AHDC1: variants seen among roughly 807,000 people sequenced by gnomAD.
The protein encoded by AHDC1 is transcription factor Gibbin.
A neutral mutation model predicts 87.9 loss-of-function variants in AHDC1; 7 were observed. The ratio of observed to expected loss-of-function variants is 0.08; its 90% CI spans 0.05 to 0.15. AHDC1 has a LOEUF of 0.15. Among genes scored for constraint, AHDC1 ranks in the 10% least tolerant of loss-of-function variants. The probability of loss-of-function intolerance (pLI) is 1.00; values close to 1 mark genes in which losing one functional copy is unlikely to be tolerated. For missense variants in AHDC1, 1,841 were observed against 2,253.2 expected, an observed-to-expected ratio of 0.82 and a Z score of 3.70; for synonymous variants, 1,051 against 1,006.8, an observed-to-expected ratio of 1.04 and a Z score of -0.83.
At chr1:27,592,478 C>T (rs2089252550) in intron 3 of AHDC1, among the ~76,000 whole-genome samples, 1 of 152,192 alleles carries the variant, frequency 6.6e-6, no homozygotes, top group African/African-American at 2.4e-5. Context: ...CTGGGGGCCC[C>T]AGAGACCCTG....
At chr1:27,587,368 G>A (rs947116746) in intron 3 of AHDC1, among the ~76,000 whole-genome samples, 2 of 152,130 alleles carry the variant, frequency 1.3e-5, no homozygotes, top group African/African-American at 2.4e-5. Flanking sequence ...CCATAGGCCC[G>A]TTCCACAACT....
At position 27,560,039 on chromosome 1, in the gene AHDC1, T is replaced by C. The variant is rs560666258; in HGVS notation, c.-628-1156A>G. Among the ~76,000 whole-genome samples the C allele has an allele frequency of 1.3e-5, 2 of 152,356 alleles. No individual in the cohort carries two copies. Among genetic ancestry groups the C allele is most frequent in the East Asian group, 3.9e-4 (2 of 5,192 alleles). On this transcript the variant is annotated intron_variant, in intron 3 of 8. Coordinates refer to ENST00000673934, the MANE Select transcript of AHDC1 (RefSeq NM_001371928.1). The surrounding 1 kb of genome is among the most constrained non-coding windows in gnomAD (Gnocchi z 4.1). The stretch of plus-strand genomic sequence containing the variant: ...TACGTCTGTGTGGGTACATGTGGGC[T>C]TAAGCGTGTCCATGTGTGGGATCAC...
chr1:27,534,261 G>GTT lies in AHDC1; in HGVS notation c.*697_*698dup, dbSNP rs1195913812. On this transcript the variant is annotated 3_prime_UTR_variant, in exon 9 of 9. Coordinates refer to ENST00000673934, the MANE Select transcript of AHDC1 (RefSeq NM_001371928.1). The stretch of plus-strand genomic sequence containing the variant: ...GACACAAGGTTGGTTTTTTTTTTTT[G>GTT]TTTTTTTTTTGTTTTTTTTTTGCTT... 3 of 89,648 alleles carry GTT rather than the reference G, an allele frequency of 3.3e-5. No individual in the cohort carries two copies. The highest frequency in any genetic ancestry group is 4.0e-5 in the African/African-American group (1 of 25,016). 5.6% of individuals were successfully genotyped at this position (89,648 alleles called of 1,614,324 possible).
At chr1:27,542,429 A>G (rs1367966084) in intron 8 of AHDC1, among the ~76,000 whole-genome samples, 1 of 152,232 alleles carries the variant, frequency 6.6e-6, no homozygotes, top group Non-Finnish European at 1.5e-5. Flanking sequence ...ATGGTCCTGC[A>G]TGAAGGTACA....
At chr1:27,584,337 T>G (rs1557699619) in intron 3 of AHDC1, among the ~76,000 whole-genome samples, 1 of 152,174 alleles carries the variant, frequency 6.6e-6, no homozygotes, top group Non-Finnish European at 1.5e-5. Context: ...GAGCCCCTGC[T>G]CCAAAGCTAA....
At chr1:27,594,241 G>T (rs1211702403) in intron 3 of AHDC1, among the ~76,000 whole-genome samples, 1 of 152,070 alleles carries the variant, frequency 6.6e-6, no homozygotes, top group East Asian at 1.9e-4. Flanking sequence ...CCTGGATTTG[G>T]GGGTGGGGGG....
intron 3 of AHDC1, among the ~76,000 whole-genome samples, chr1:27,594,736 G>A (rs1305443266): frequency 6.6e-6 from 1 of 152,184 alleles, no homozygotes; most frequent in Non-Finnish European, 1.5e-5. Flanking sequence ...GTGACAGGCT[G>A]AGGCTGTCTA....
chr1:27,551,632 C>T lies in AHDC1; in HGVS notation c.484G>A (p.Asp162Asn), dbSNP rs369860059. 1.2e-6 allele frequency: 2 copies of T among 1,613,542 alleles called. No homozygotes were observed. Among genetic ancestry groups the T allele is most frequent in the Non-Finnish European group, 1.7e-6 (2 of 1,179,686 alleles). The change falls in exon 8 of 9, where the codon GAC becomes AAC. Residue 162 changes from aspartate (D) to asparagine (N), a missense_variant. Physicochemically the swap from Asp to Asn is conservative, Grantham distance 23. Around this residue, in one of 13 missense-constraint regions of AHDC1, gnomAD observed 50 missense variants for 104.3 expected, o/e 0.48. Coordinates refer to ENST00000673934, the MANE Select transcript of AHDC1 (RefSeq NM_001371928.1). ...LSRPPAPPPG[D>N]LQYSFFSSPS... ...GAGGAGAAGAAGCTGTACTGTAGGT[C>T]GCCGGGTGGCGGTGCAGGCGGGCGG...
chr1:27,547,495 G>A lies in AHDC1; in HGVS notation c.4621C>T (p.Pro1541Ser), dbSNP rs1164997538. 2 of 1,606,234 alleles carry A rather than the reference G, an allele frequency of 1.2e-6. No homozygotes were observed. The highest frequency in any genetic ancestry group is 1.7e-5 in the Admixed American group (1 of 59,788). ...PAAAAAGYGC[P>S]LLSDLTLSPV... ...GACAGGGTCAAGTCACTAAGGAGTG[G>A]GCAGCCATAGCCAGCAGCGGCTGCA... Residue 1541 changes from proline (P) to serine (S), a missense_variant, in exon 8 of 9, where the codon CCA becomes TCA. By Grantham distance (74) the Pro-to-Ser change is moderately conservative (BLOSUM62 -1). This residue lies in a region of AHDC1 where 505 missense variants were observed against 626.2 expected (regional missense o/e 0.81). Transcript: ENST00000673934. This position sits in a 1 kb window ranked among gnomAD's most constrained non-coding sequence, Gnocchi z 4.9.
At position 27,551,103 on chromosome 1, in the gene AHDC1, G is replaced by C. The variant is rs1557666928; in HGVS notation, c.1013C>G (p.Pro338Arg). The C allele has an allele frequency of 1.3e-6, 2 of 1,579,836 alleles. No individual in the cohort carries two copies. Among genetic ancestry groups the C allele is most frequent in the Non-Finnish European group, 1.7e-6 (2 of 1,162,604 alleles). Residue 338 changes from proline to arginine, a missense_variant, in exon 8 of 9, where the codon CCC (proline) becomes CGC (arginine). Transcript: ENST00000673934. ...GCGACCTGGGACGTCAAGCAGCTTG[G>C]GCAGGGGGTCGAGTGCCTGGGGGTC... ...LLDPQALDPL[P>R]KLLDVPGRRL...
intron 3 of AHDC1, among the ~76,000 whole-genome samples, chr1:27,601,659 G>A (rs2089530794): frequency 1.3e-5 from 2 of 152,224 alleles, no homozygotes; most frequent in African/African-American, 4.8e-5. Flanking sequence ...GAGATGGCAA[G>A]CAGCATGCAC....
intron 3 of AHDC1, among the ~76,000 whole-genome samples, chr1:27,586,831 G>C (rs1441146595): frequency 6.6e-6 from 1 of 152,176 alleles, no homozygotes; most frequent in East Asian, 1.9e-4. Context: ...TAGGTCGGGG[G>C]GTTGGACACT....
intron 3 of AHDC1, among the ~76,000 whole-genome samples, chr1:27,599,219 T>TC (rs2089463754): frequency 1.3e-5 from 2 of 152,102 alleles, no homozygotes; most frequent in African/African-American, 4.8e-5. Context: ...GCTGGCTCCC[T>TC]CCCTCTCGAG....
At chr1:27,599,679 C>T (rs368018789) in intron 3 of AHDC1, among the ~76,000 whole-genome samples, 8 of 152,292 alleles carry the variant, frequency 5.3e-5, no homozygotes, top group Admixed American at 1.3e-4. Flanking sequence ...TAATGTTTCC[C>T]GCTTTTATAA....
intron 3 of AHDC1, among the ~76,000 whole-genome samples, chr1:27,599,402 C>G (rs760722526): frequency 2.6e-5 from 4 of 152,206 alleles, no homozygotes; most frequent in African/African-American, 4.8e-5. Flanking sequence ...GGCGCCTCCC[C>G]CTCCCCTGGG....
At chr1:27,555,192 G>A (rs1371748289) in intron 5 of AHDC1, among the ~76,000 whole-genome samples, 1 of 152,232 alleles carries the variant, frequency 6.6e-6, no homozygotes, top group Non-Finnish European at 1.5e-5. Context: ...AGATACCCAG[G>A]CCCTAGTCCA....
chr1:27,593,435 A>G lies in AHDC1; in HGVS notation c.-629+9962T>C, dbSNP rs757657882. On this transcript the variant is annotated intron_variant, in intron 3 of 8. Coordinates refer to ENST00000673934, the MANE Select transcript of AHDC1 (RefSeq NM_001371928.1). This position sits in a 1 kb window ranked among gnomAD's most constrained non-coding sequence, Gnocchi z 4.9. ...ACTACCCCCAGGCAGGCTGGGACCC[A>G]GGTCCCTGGTGTCCATGGGCAAAGA... is the stretch of plus-strand genomic sequence containing the variant. 1.3e-4 allele frequency among the ~76,000 whole-genome samples: 20 copies of G among 152,316 alleles called. No individual in the cohort carries two copies. The highest frequency in any genetic ancestry group is 6.2e-4 in the South Asian group (3 of 4,826).
At chr1:27,538,482 C>T (rs189115451) in intron 8 of AHDC1, among the ~76,000 whole-genome samples, 2 of 150,356 alleles carry the variant, frequency 1.3e-5, no homozygotes, top group African/African-American at 4.9e-5. Context: ...AGAGTAAGTC[C>T]CTTCCCTCTC....
chr1:27,587,741 A>T (rs1030249994), intron 3 of AHDC1, among the ~76,000 whole-genome samples: 1 of 152,162 alleles, frequency 6.6e-6, no homozygotes, highest in African/African-American at 2.4e-5. Flanking sequence ...TCCAAGTGAT[A>T]ACTGACAATA....
Sources: gnomAD v4.1 joint callset for allele counts (sites outside exome capture counted in the v4.1 genomes callset) on GRCh38, gnomAD v4.1.1 for gene constraint, gnomAD v4.1.1 regional missense constraint, Gnocchi (gnomAD v3.1) non-coding constraint, MANE v1.5 for transcripts, NCBI Gene and HGNC (gene_info 2026-07-23, HGNC 2026-07-21) for gene names.